CEP250: variants seen among roughly 807,000 people sequenced by gnomAD.
CEP250 encodes centrosomal protein 250, also known as centrosome-associated protein CEP250.
Under a neutral mutation model 315.7 loss-of-function variants are expected in CEP250, and 242 were observed. The ratio of observed to expected loss-of-function variants is 0.77; its 90% CI spans 0.69 to 0.85. The LOEUF (loss-of-function observed/expected upper bound fraction) is 0.85, where lower values mean the gene tolerates loss of function less well. Among genes scored for constraint, CEP250 ranks in the 40% least tolerant of loss-of-function variants. The pLI, the probability that CEP250 is intolerant of heterozygous loss-of-function variation, is 0.00. For missense variants in CEP250, 2,515 were observed against 2,886.4 expected (o/e 0.87, Z 2.95); for synonymous variants, 1,088 against 1,175.0 (o/e 0.93, Z 1.51).
At chr20:35,482,129 A>G (rs540206981) in intron 20 of CEP250, among the ~76,000 whole-genome samples, 21 of 152,344 alleles carry the variant, frequency 1.4e-4, no homozygotes, top group Non-Finnish European at 4.4e-5. Flanking sequence ...ACATTCAGAT[A>G]TAAGTTTCTA....
chr20:35,489,187 CAAA>C (rs56824051), intron 20 of CEP250, among the ~76,000 whole-genome samples: 1 of 124,778 alleles, frequency 8.0e-6, no homozygotes, highest in African/African-American at 2.9e-5. Flanking sequence ...GACTCTGTCT[CAAA>C]AAAAAAAAAA....
rs762704919 is a variant in CEP250, at chr20:35,504,289, C to T, written c.5920C>T (p.His1974Tyr). The change falls in exon 30 of 35, where the codon CAT (histidine) becomes TAT (tyrosine). Residue 1974 changes from histidine to tyrosine, a missense_variant. Coordinates refer to ENST00000397527, the MANE Select transcript of CEP250 (RefSeq NM_007186.6). Reference protein sequence around the residue: ...EALQEALGKAHAALQGKEQHL... With the variant: ...EALQEALGKAYAALQGKEQHL... ...TCTGCAGGAGGCCCTTGGCAAGGCT[C>T]ATGCTGCCCTGCAGGGGAAAGAGCA... 9 of 1,588,350 alleles carry T rather than the reference C, an allele frequency of 5.7e-6. No individual in the cohort carries two copies. Among genetic ancestry groups the T allele is most frequent in the African/African-American group, 2.7e-5 (2 of 74,302 alleles).
At position 35,504,259 on chromosome 20, in the gene CEP250, G is replaced by A; in HGVS notation, c.5890G>A (p.Glu1964Lys). 1 of 1,596,816 alleles carries A rather than the reference G, an allele frequency of 6.3e-7. No homozygotes were observed. The stretch of plus-strand genomic sequence containing the variant: ...GGAGGAGGCTGCCCGGGCCCGGGCT[G>A]AGGCTCTGCAGGAGGCCCTTGGCAA... Reference protein sequence around the residue: ...HQEEAARARAEALQEALGKAH... With the variant: ...HQEEAARARAKALQEALGKAH... The change falls in exon 30 of 35, where the codon GAG (glutamate) becomes AAG (lysine). Residue 1964 changes from glutamate to lysine, a missense_variant. Glu to Lys is a moderately conservative substitution (Grantham distance 56). Coordinates refer to ENST00000397527, the MANE Select transcript of CEP250 (RefSeq NM_007186.6).
chr20:35,516,593 C>A lies in CEP250; in HGVS notation c.*4967C>A, dbSNP rs2064437843. The A allele has an allele frequency of 6.6e-6, 1 of 152,248 alleles. No individual in the cohort carries two copies. 9.4% of individuals were successfully genotyped at this position (152,248 alleles called of 1,614,324 possible). A position where few individuals can be genotyped will look rare whatever the true frequency, so the allele number is the denominator to read the frequency against. ...GATTGGCTAGCTGCTGCTCCTGCCC[C>A]AGCTATTCAGTCATTTGGCAAATAC... is the stretch of plus-strand genomic sequence containing the variant. On this transcript the variant is annotated 3_prime_UTR_variant, in exon 35 of 35. Coordinates refer to ENST00000397527, the MANE Select transcript of CEP250 (RefSeq NM_007186.6).
chr20:35,491,895 CAAAAAAAAAAA>C (rs34747030), intron 22 of CEP250, among the ~76,000 whole-genome samples: 1 of 63,928 alleles, frequency 1.6e-5, no homozygotes, highest in South Asian at 7.7e-4. Flanking sequence ...GAGCGAGTCT[CAAAAAAAAAAA>C]AAAAAAAAAA....
chr20:35,496,991 C>T (rs1157117551), intron 25 of CEP250, among the ~76,000 whole-genome samples: 1 of 152,150 alleles, frequency 6.6e-6, no homozygotes, highest in African/African-American at 2.4e-5. Flanking sequence ...GGCCTGGTTC[C>T]AGCACACCGG....
Position 35,512,016 on chromosome 20 carries a change from C to T in CEP250, c.*390C>T. 9.6e-7 allele frequency: 1 copy of T among 1,037,872 alleles called. No individual in the cohort carries two copies. The highest frequency in any genetic ancestry group is 1.7e-5 in the African/African-American group (1 of 59,168). 64.3% of individuals were successfully genotyped at this position (1,037,872 alleles called of 1,614,324 possible). On this transcript the variant is annotated 3_prime_UTR_variant, in exon 35 of 35. Coordinates refer to ENST00000397527, the MANE Select transcript of CEP250 (RefSeq NM_007186.6). ...CCACTTGTGCAGCTGGGTGGCAGCACCACATCAAGGGAGTTTATCTGGGAA... is the reference window on the plus strand; with the variant it reads ...CCACTTGTGCAGCTGGGTGGCAGCATCACATCAAGGGAGTTTATCTGGGAA...
Position 35,463,640 on chromosome 20 carries a change from G to T in CEP250, c.243+9G>T, listed in dbSNP as rs2062807823. 1.2e-6 allele frequency: 2 copies of T among 1,604,100 alleles called. No individual in the cohort carries two copies. The highest frequency in any genetic ancestry group is 1.1e-5 in the South Asian group (1 of 89,822). ...GGCTAGAAGCCACTGGAGTGAGTGA[G>T]GCTGAGCTCTCTGCACCCCCTGGGT... On this transcript the variant is annotated intron_variant, in intron 5 of 34. Coordinates refer to ENST00000397527, the MANE Select transcript of CEP250 (RefSeq NM_007186.6).
At chr20:35,465,903 G>A in intron 6 of CEP250, 78 bp downstream of exon 6, 2 of 1,522,870 alleles carry the variant, frequency 1.3e-6, no homozygotes, top group Non-Finnish European at 1.8e-6. Context: ...CTGCCCTGAG[G>A]GCTAATGTGG....
intron 11 of CEP250, among the ~76,000 whole-genome samples, chr20:35,472,468 G>A (rs943662363): frequency 6.6e-6 from 1 of 152,184 alleles, no homozygotes; most frequent in Admixed American, 6.5e-5. Context: ...CAGTGTTCTA[G>A]CCTTGTTGTT....
At chr20:35,484,746 G>A (rs1012530982) in intron 20 of CEP250, among the ~76,000 whole-genome samples, 2 of 152,138 alleles carry the variant, frequency 1.3e-5, no homozygotes, top group Non-Finnish European at 2.9e-5. Context: ...ACCATGTCTG[G>A]CTTTTTGTTA....
chr20:35,495,980 T>A (rs900746283), intron 24 of CEP250, among the ~76,000 whole-genome samples: 4 of 151,700 alleles, frequency 2.6e-5, no homozygotes, highest in African/African-American at 7.3e-5. Flanking sequence ...TGGATGTAGG[T>A]AGGTTGAAGG....
rs993759047 is a variant in CEP250, at chr20:35,518,415, A to T, written c.*6789A>T. The T allele has an allele frequency of 6.6e-6, 1 of 152,120 alleles. No homozygotes were observed. The highest frequency in any genetic ancestry group is 2.4e-5 in the African/African-American group (1 of 41,422). 9.4% of individuals were successfully genotyped at this position (152,120 alleles called of 1,614,324 possible). On this transcript the variant is annotated 3_prime_UTR_variant, in exon 35 of 35. Transcript: ENST00000397527. Reference sequence around the variant, plus strand: ...GTAGCATGCGGTGGATATTTGTTTTAGATACACAGTAACTGGAAACTCATT... The same window carrying T: ...GTAGCATGCGGTGGATATTTGTTTTTGATACACAGTAACTGGAAACTCATT...
Position 35,511,584 on chromosome 20 carries a change from G to C in CEP250, c.7287G>C (p.Leu2429=). The C allele has an allele frequency of 1.2e-6, 2 of 1,613,500 alleles. No homozygotes were observed. The highest frequency in any genetic ancestry group is 1.8e-4 in the Middle Eastern group (1 of 5,684). Residue 2429 remains leucine, a synonymous_variant, in exon 35 of 35, where the codon CTG becomes CTC. Coordinates refer to ENST00000397527, the MANE Select transcript of CEP250 (RefSeq NM_007186.6). ...GTCTGACATCCCCAGGGCCAGTCCTGCTACACCCCAGCCCCAGCACTACCC... is the reference window on the plus strand; with the variant it reads ...GTCTGACATCCCCAGGGCCAGTCCTCCTACACCCCAGCCCCAGCACTACCC... ...TQSLTSPGPV[L]LHPSPSTTQA...
chr20:35,502,013 C>A, intron 29 of CEP250, 47 bp downstream of exon 29: 1 of 1,586,942 alleles, frequency 6.3e-7, no homozygotes, highest in Non-Finnish European at 8.5e-7. Flanking sequence ...AGGAGTAGTC[C>A]CTTGGGCCCA....
rs1200405746 is a variant in CEP250, at chr20:35,465,826, G to A, written c.326+1G>A. ...TCCGATTGGAGGAGGAGCAACAGAG[G>A]TGATGGACCCCAAACTTTCTGACCT... is the stretch of plus-strand genomic sequence containing the variant. On this transcript the variant is annotated splice_donor_variant, in intron 6 of 34. Coordinates refer to ENST00000397527, the MANE Select transcript of CEP250 (RefSeq NM_007186.6). LOFTEE classifies it high-confidence loss of function. The A allele has an allele frequency of 1.2e-6, 2 of 1,605,170 alleles. No homozygotes were observed. The highest frequency in any genetic ancestry group is 3.4e-5 in the Admixed American group (2 of 58,372).
chr20:35,457,845 A>T (rs1384896549), intron 1 of CEP250, among the ~76,000 whole-genome samples: 1 of 152,094 alleles, frequency 6.6e-6, no homozygotes, highest in Admixed American at 6.6e-5. Context: ...AAATTAATGG[A>T]GATGGAGAAG....
At chr20:35,510,832 TAAA>T (rs2064333699) in intron 34 of CEP250, among the ~76,000 whole-genome samples, 2 of 152,124 alleles carry the variant, frequency 1.3e-5, no homozygotes, top group African/African-American at 4.8e-5. Flanking sequence ...CTGTCTGTAC[TAAA>T]AATACAAAAA....
In CEP250 at chr20:35,479,786, C is replaced by A. The variant is rs779992017; in HGVS notation, c.2416+13C>A. The A allele has an allele frequency of 1.2e-6, 2 of 1,614,106 alleles. No individual in the cohort carries two copies. Among genetic ancestry groups the A allele is most frequent in the South Asian group, 2.2e-5 (2 of 91,076 alleles). On this transcript the variant is annotated intron_variant, in intron 19 of 34. Transcript: ENST00000397527. The stretch of plus-strand genomic sequence containing the variant: ...GAAGTAATCCAAGGTGAGAACCCAA[C>A]TGGGATGGGATGCACTCCATTCCAT...
Sources: allele counts gnomAD v4.1 joint callset (sites outside exome capture counted in the v4.1 genomes callset), GRCh38; gene constraint gnomAD v4.1.1; transcripts MANE v1.5; gene names NCBI Gene and HGNC (gene_info 2026-07-23, HGNC 2026-07-21).